MOSPD1: variants seen among roughly 807,000 people sequenced by gnomAD.
MOSPD1 encodes motile sperm domain containing 1.
In MOSPD1, 5 loss-of-function variants were observed where a neutral mutation model predicts 16.7. The ratio of observed to expected loss-of-function variants is 0.30; its 90% CI spans 0.16 to 0.63. The LOEUF is 0.63. Ranked by LOEUF, MOSPD1 falls within the 30% of genes least tolerant of loss-of-function variation. MOSPD1 has a pLI of 0.82. For missense variants in MOSPD1, 104 were observed against 153.6 expected, an observed-to-expected ratio of 0.68 and a Z score of 1.71; for synonymous variants, 67 against 59.2, an observed-to-expected ratio of 1.13 and a Z score of -0.61.
intron 4 of MOSPD1, among the ~76,000 whole-genome samples, chrX:134,892,204 G>A (rs2082865959): frequency 9.0e-6 from 1 of 111,523 alleles, no homozygotes; most frequent in East Asian, 2.8e-4. Flanking sequence ...TGCACATCCC[G>A]CTATCAATTT....
At chrX:134,900,201 A>T (rs1302788902) in intron 1 of MOSPD1, among the ~76,000 whole-genome samples, 2 of 112,348 alleles carry the variant, frequency 1.8e-5, no homozygotes, top group African/African-American at 6.5e-5. Context: ...TTTAAAAAGT[A>T]GAATAAATTA....
chrX:134,899,465 T>C lies in MOSPD1; in HGVS notation c.-32A>G. The stretch of plus-strand genomic sequence containing the variant: ...TGAATCCCCCTTGCTGCAGTTTCTG[T>C]TTTTACAGTCTCAAATCTATTTTGG... On this transcript the variant is annotated 5_prime_UTR_variant, in exon 2 of 6. Transcript: ENST00000370783. 1.8e-6 allele frequency: 2 copies of C among 1,120,872 alleles called. No homozygotes were observed. The allele number at this position is 1,120,872 out of a possible 1,213,427, so 92.4% of individuals were successfully genotyped here.
In MOSPD1 at chrX:134,889,132, T is replaced by C. The variant is rs776346010; in HGVS notation, c.*29A>G. On this transcript the variant is annotated 3_prime_UTR_variant, in exon 6 of 6. Coordinates refer to ENST00000370783, the MANE Select transcript of MOSPD1 (RefSeq NM_019556.3). ...CCACATTCATATTTTCAAGACAGAT[T>C]TACTTCAGAAGTCAATTGAAATCCT... 5 of 1,164,700 alleles carry C rather than the reference T, an allele frequency of 4.3e-6. No individual in the cohort carries two copies. The East Asian group carries it at 1.2e-4, about 28-fold the overall frequency.
intron 4 of MOSPD1, among the ~76,000 whole-genome samples, chrX:134,893,841 G>A (rs1182935136): frequency 9.0e-6 from 1 of 111,067 alleles, no homozygotes; most frequent in East Asian, 2.8e-4. Context: ...CCCAATTGAT[G>A]GACTTTTCGG....
chrX:134,913,936 A>T (rs2082985511), intron 1 of MOSPD1, among the ~76,000 whole-genome samples: 3 of 111,899 alleles, frequency 2.7e-5, no homozygotes, highest in Middle Eastern at 4.6e-3. Context: ...TACCAACTAT[A>T]AGTGTAATCT....
At chrX:134,898,338 T>TA (rs1415477040) in intron 3 of MOSPD1, among the ~76,000 whole-genome samples, 2 of 112,453 alleles carry the variant, frequency 1.8e-5, no homozygotes, top group Non-Finnish European at 3.7e-5. Flanking sequence ...TGAAAATTTT[T>TA]AAAAATGTGC....
At chrX:134,897,171 G>A (rs1253153223) in intron 3 of MOSPD1, 137 bp from the exon 4 acceptor site, 2 of 437,598 alleles carry the variant, frequency 4.6e-6, no homozygotes. Context: ...TTGCTAAGAT[G>A]TTAAAAAATC....
intron 3 of MOSPD1, 64 bp downstream of exon 3, chrX:134,899,026 T>C (rs2082899309): frequency 1.1e-6 from 1 of 906,295 alleles, no homozygotes; most frequent in East Asian, 3.1e-5. Flanking sequence ...TCTTTTTTTT[T>C]CAAGTTAAAA....
At chrX:134,914,913 G>T (rs1366256832) in intron 1 of MOSPD1, among the ~76,000 whole-genome samples, 3 of 112,451 alleles carry the variant, frequency 2.7e-5, no homozygotes, top group Non-Finnish European at 5.6e-5. Context: ...GGGCAGGAGC[G>T]AGCTACACAC....
At chrX:134,891,157 TTGTC>T (rs1428787267) in intron 5 of MOSPD1, among the ~76,000 whole-genome samples, 3 of 111,423 alleles carry the variant, frequency 2.7e-5, no homozygotes, top group East Asian at 2.8e-4. Context: ...TGTATGTACT[TTGTC>T]TGTTTCCCTA....
At chrX:134,914,363 C>A (rs973550676) in intron 1 of MOSPD1, among the ~76,000 whole-genome samples, 3 of 111,675 alleles carry the variant, frequency 2.7e-5, no homozygotes, top group Admixed American at 1.9e-4. Context: ...TGATTAAGGG[C>A]AGGAGGGCTG....
chrX:134,891,428 C>T (rs1232208268), intron 5 of MOSPD1, 51 bp downstream of exon 5: 1 of 1,113,599 alleles, frequency 9.0e-7, no homozygotes, highest in Non-Finnish European at 1.2e-6. Context: ...CACCCTACCA[C>T]ACACATAAAG....
intron 1 of MOSPD1, among the ~76,000 whole-genome samples, chrX:134,912,039 C>G (rs5978063): frequency 0.37 from 41,041 of 111,074 alleles, 5,684 homozygotes; most frequent in African/African-American, 0.44. Context: ...GAATTTTGCA[C>G]GGTGCAATTC....
chrX:134,899,914 C>T (rs2082904174), intron 1 of MOSPD1: 1 of 112,197 alleles, frequency 8.9e-6, no homozygotes, highest in African/African-American at 3.2e-5. Context: ...CGAGATCACA[C>T]TGCTGCACTC....
At chrX:134,897,447 C>A (rs1234826737) in intron 3 of MOSPD1, among the ~76,000 whole-genome samples, 2 of 104,797 alleles carry the variant, frequency 1.9e-5, no homozygotes, top group East Asian at 6.1e-4. Context: ...GTCCTAGCTA[C>A]TTGGGAGGCT....
intron 1 of MOSPD1, among the ~76,000 whole-genome samples, chrX:134,903,602 C>G (rs2148397180): frequency 9.5e-6 from 1 of 105,256 alleles, no homozygotes; most frequent in African/African-American, 3.5e-5. Flanking sequence ...GTCCCAGCTA[C>G]TTGGGAGGCT....
At chrX:134,902,337 G>A (rs1329178182) in intron 1 of MOSPD1, among the ~76,000 whole-genome samples, 1 of 109,202 alleles carries the variant, frequency 9.2e-6, no homozygotes, top group Non-Finnish European at 1.9e-5. Flanking sequence ...AACCCGGGAG[G>A]CGGAGGTTGC....
At chrX:134,905,865 T>C (rs1371320175) in intron 1 of MOSPD1, among the ~76,000 whole-genome samples, 1 of 112,297 alleles carries the variant, frequency 8.9e-6, no homozygotes, top group African/African-American at 3.2e-5. Flanking sequence ...GAGTATGAAA[T>C]GGTTCATAAA....
chrX:134,902,417 A>AAATAAATAAATAAATG (rs1299351395), intron 1 of MOSPD1, among the ~76,000 whole-genome samples: 1 of 109,772 alleles, frequency 9.1e-6, no homozygotes, highest in African/African-American at 3.3e-5. Context: ...ATAAATAAAT[A>AAATAAATAAATAAATG]AATAAATAAA....
Sources: allele counts gnomAD v4.1 joint callset (sites outside exome capture counted in the v4.1 genomes callset), GRCh38; gene constraint gnomAD v4.1.1; transcripts MANE v1.5; gene names NCBI Gene and HGNC (gene_info 2026-07-23, HGNC 2026-07-21).